ARMC9: variants seen among roughly 807,000 people sequenced by gnomAD.
ARMC9 encodes the protein armadillo repeat containing 9.
In ARMC9, 94 loss-of-function variants were observed where a neutral mutation model predicts 107.0. That is an observed-to-expected ratio of 0.88 (90% confidence interval 0.74 to 1.04). ARMC9 has a LOEUF of 1.04. Among genes scored for constraint, ARMC9 ranks in the 50% least tolerant of loss-of-function variants. The pLI is 0.00. For missense variants in ARMC9, 942 were observed against 1,030.1 expected (o/e 0.91, Z 1.17); for synonymous variants, 380 against 396.9 (o/e 0.96, Z 0.51).
chr2:231,261,774 A>G (rs527775545), intron 11 of ARMC9, among the ~76,000 whole-genome samples: 242 of 151,552 alleles, frequency 1.6e-3, no homozygotes, highest in African/African-American at 5.6e-3. Context: ...TTCTCTGGAG[A>G]GTTCACATGT....
intron 15 of ARMC9, 139 bp downstream of exon 15, chr2:231,276,914 C>T: frequency 1.6e-6 from 2 of 1,251,610 alleles, no homozygotes; most frequent in Non-Finnish European, 1.1e-6. Flanking sequence ...GAAAGCATTT[C>T]CAACTAGGTA....
At chr2:231,198,951 C>G (rs983579187) in intron 1 of ARMC9, 1 of 152,260 alleles carries the variant, frequency 6.6e-6, no homozygotes, top group Non-Finnish European at 1.5e-5. Flanking sequence ...CGCAAGTAGT[C>G]CCTGATCTTT....
rs374131583 is a variant in ARMC9, at chr2:231,359,550, C to A, written c.2132-1204C>A. 1.5e-4 allele frequency among the ~76,000 whole-genome samples: 23 copies of A among 152,322 alleles called. No individual in the cohort carries two copies. The East Asian group carries it at 3.7e-3, about 24-fold the overall frequency. On this transcript the variant is annotated intron_variant, in intron 22 of 24. Coordinates refer to ENST00000611582, the MANE Select transcript of ARMC9 (RefSeq NM_001352754.2). The stretch of plus-strand genomic sequence containing the variant: ...GACCACCCCGTCCCCTACGCTCACA[C>A]CCCCTGGGAAGCTCCTGGTCCTGGT...
intron 19 of ARMC9, among the ~76,000 whole-genome samples, chr2:231,317,631 G>A (rs761325128): frequency 1.3e-5 from 2 of 151,688 alleles, no homozygotes; most frequent in African/African-American, 4.8e-5. Flanking sequence ...TTGCACACAT[G>A]TTAGAATGCT....
chr2:231,350,657 T>G (rs1241831354), intron 21 of ARMC9, among the ~76,000 whole-genome samples: 1 of 151,470 alleles, frequency 6.6e-6, no homozygotes, highest in Non-Finnish European at 1.5e-5. Flanking sequence ...AGAAACTTCA[T>G]ATGTTCAAGG....
Position 231,208,240 on chromosome 2 carries a change from A to C in ARMC9, c.165A>C (p.Ser55=), listed in dbSNP as rs1274218506. The C allele has an allele frequency of 1.2e-6, 2 of 1,607,396 alleles. No individual in the cohort carries two copies. Among genetic ancestry groups the C allele is most frequent in the Non-Finnish European group, 1.7e-6 (2 of 1,176,892 alleles). Residue 55 remains serine, a synonymous_variant, in exon 3 of 25, where the codon TCA becomes TCC. Coordinates refer to ENST00000611582, the MANE Select transcript of ARMC9 (RefSeq NM_001352754.2). Reference sequence around the variant, plus strand: ...GCGGATCTTTCAGAGACTCCAAATCATTGACAATTCAGGTAACATTTTGCT... The same window carrying C: ...GCGGATCTTTCAGAGACTCCAAATCCTTGACAATTCAGGTAACATTTTGCT... The part of the protein sequence containing the change: ...TVGGSFRDSK[S]LTIQKDLVAA...
chr2:231,281,127 C>T (rs1349273804), intron 16 of ARMC9, among the ~76,000 whole-genome samples: 1 of 148,780 alleles, frequency 6.7e-6, no homozygotes, highest in African/African-American at 2.5e-5. Context: ...TCAAAAAGCT[C>T]ATAATAAAGG....
chr2:231,219,616 A>G (rs972618288), intron 5 of ARMC9, among the ~76,000 whole-genome samples: 6 of 152,030 alleles, frequency 3.9e-5, no homozygotes, highest in African/African-American at 1.2e-4. Flanking sequence ...ATAGATTTCT[A>G]TTTTTACTTG....
chr2:231,218,645 G>A (rs948584206), intron 5 of ARMC9, among the ~76,000 whole-genome samples: 9 of 152,130 alleles, frequency 5.9e-5, no homozygotes, highest in Non-Finnish European at 1.2e-4. Flanking sequence ...ATGACCTTCC[G>A]TATTCATGGA....
At chr2:231,306,621 A>G (rs1176077264) in intron 19 of ARMC9, among the ~76,000 whole-genome samples, 3 of 152,186 alleles carry the variant, frequency 2.0e-5, no homozygotes, top group Non-Finnish European at 4.4e-5. Flanking sequence ...GGGGCATGGA[A>G]CTTGTATACA....
chr2:231,340,844 C>T (rs551124163), intron 20 of ARMC9, among the ~76,000 whole-genome samples: 111 of 152,234 alleles, frequency 7.3e-4, no homozygotes, highest in Middle Eastern at 6.8e-3. Context: ...GCCAAGATCG[C>T]GCCACTGTAC....
intron 7 of ARMC9, among the ~76,000 whole-genome samples, chr2:231,230,521 G>A (rs1324995676): frequency 1.3e-5 from 2 of 152,240 alleles, no homozygotes; most frequent in Non-Finnish European, 2.9e-5. Context: ...GTCATGGACA[G>A]GTCTTGTTTG....
intron 19 of ARMC9, among the ~76,000 whole-genome samples, chr2:231,301,610 C>G (rs2041728837): frequency 6.6e-6 from 1 of 152,108 alleles, no homozygotes; most frequent in Non-Finnish European, 1.5e-5. Context: ...ACCCTTTTCA[C>G]CATCATTACA....
intron 16 of ARMC9, among the ~76,000 whole-genome samples, chr2:231,278,977 C>A (rs763559895): frequency 3.3e-5 from 5 of 152,118 alleles, no homozygotes; most frequent in Non-Finnish European, 7.3e-5. Context: ...CTTGTTTGTG[C>A]CCCTGACATT....
rs1007729971 is a variant in ARMC9 at position 231,356,230 on chromosome 2, C to T, written c.2131+296C>T. Among the ~76,000 whole-genome samples the T allele has an allele frequency of 3.0e-4, 46 of 152,124 alleles. 1 individual carries two copies. Among genetic ancestry groups the T allele is most frequent in the Admixed American group, 2.8e-3 (43 of 15,254 alleles). ...ATGTGAAATTTCGGAGGAGGAATGC[C>T]GGGCTGATGTTGATCTGTGACCCTG... On this transcript the variant is annotated intron_variant, in intron 22 of 24. Transcript: ENST00000611582.
intron 9 of ARMC9, among the ~76,000 whole-genome samples, chr2:231,248,835 C>G (rs1483612070): frequency 1.4e-5 from 2 of 138,144 alleles, no homozygotes; most frequent in African/African-American, 2.7e-5. Context: ...AAAAAAAAAG[C>G]TGGCCATAGC....
rs547880148 is a variant in ARMC9 at position 231,289,269 on chromosome 2, C to T, written c.1627-2084C>T. ...ACTACTTGAGCCCAGGAGTTCGAGA[C>T]CAGCCTGGGTGACATGGTGAAACCC... On this transcript the variant is annotated intron_variant, in intron 17 of 24. Coordinates refer to ENST00000611582, the MANE Select transcript of ARMC9 (RefSeq NM_001352754.2). 6.4e-4 allele frequency among the ~76,000 whole-genome samples: 98 copies of T among 152,230 alleles called. 1 individual carries two copies. Among genetic ancestry groups the T allele is most frequent in the Non-Finnish European group, 8.1e-4 (55 of 68,012 alleles).
chr2:231,360,811 G>A lies in ARMC9; in HGVS notation c.2189G>A (p.Arg730His), dbSNP rs971994863. 78 of 1,535,972 alleles carry A rather than the reference G, an allele frequency of 5.1e-5. No homozygotes were observed. The East Asian group carries it at 1.6e-3, about 32-fold the overall frequency. ...WLPRGRQEEP[R>H]PAPTGTPRQP... is the part of the protein sequence containing the mutation. ...CCAAGAGGACGCCAGGAAGAGCCTC[G>A]CCCAGCCCCCACGGGGACCCCCCGC... The change falls in exon 23 of 25, where the codon CGC (arginine) becomes CAC (histidine). Residue 730 changes from arginine to histidine, a missense_variant. By Grantham distance (29) the Arg-to-His change is conservative. Transcript: ENST00000611582. The surrounding 1 kb of genome is among the most constrained non-coding windows in gnomAD (Gnocchi z 4.7).
intron 15 of ARMC9, among the ~76,000 whole-genome samples, chr2:231,277,923 C>T (rs933416417): frequency 1.3e-5 from 2 of 152,138 alleles, no homozygotes; most frequent in African/African-American, 2.4e-5. Flanking sequence ...ATCATCATCA[C>T]CATATTTGCA....
Sources: gnomAD v4.1 joint callset for allele counts (sites outside exome capture counted in the v4.1 genomes callset) on GRCh38, gnomAD v4.1.1 for gene constraint, Gnocchi (gnomAD v3.1) non-coding constraint, MANE v1.5 for transcripts, NCBI Gene and HGNC (gene_info 2026-07-23, HGNC 2026-07-21) for gene names.